Variants in LRCH1 observed in about 807,000 individuals in gnomAD.
LRCH1 encodes leucine-rich repeat and calponin homology domain-containing protein 1.
Under a neutral mutation model 94.9 loss-of-function variants are expected in LRCH1, and 23 were observed. The ratio of observed to expected loss-of-function variants is 0.24; its 90% confidence interval spans 0.17 to 0.34. The LOEUF (loss-of-function observed/expected upper bound fraction) is 0.34. LRCH1 is among the 10% of genes least tolerant of loss of function. The pLI is 1.00. For synonymous variants in LRCH1, 364 were observed against 354.9 expected, an observed-to-expected ratio of 1.03 and a Z score of -0.29; for missense variants, 790 against 945.9, an observed-to-expected ratio of 0.84 and a Z score of 2.16.
At chr13:46,735,233 A>G (rs1339624676) in intron 19 of LRCH1, among the ~76,000 whole-genome samples, 1 of 152,216 alleles carries the variant, frequency 6.6e-6, no homozygotes, top group Non-Finnish European at 1.5e-5. Context: ...GTGTGTGTAC[A>G]TTTTAATATT....
chr13:46,708,326 G>A (rs1400521165), intron 13 of LRCH1, among the ~76,000 whole-genome samples: 1 of 136,560 alleles, frequency 7.3e-6, no homozygotes, highest in Non-Finnish European at 1.5e-5. Flanking sequence ...CGCCCAGGTT[G>A]AAGTGCACAA....
chr13:46,662,110 T>TTGA (rs551022963), intron 2 of LRCH1, among the ~76,000 whole-genome samples: 276 of 151,948 alleles, frequency 1.8e-3, no homozygotes, highest in African/African-American at 6.5e-3. Flanking sequence ...ACTCAGGAGG[T>TTGA]TGAGGCAGGA....
chr13:46,686,797 T>C (rs1870637634), intron 5 of LRCH1, among the ~76,000 whole-genome samples: 1 of 152,136 alleles, frequency 6.6e-6, no homozygotes. Flanking sequence ...ACAGTCACAG[T>C]GAACCCTTGA....
chr13:46,603,936 C>T (rs543895016), intron 1 of LRCH1, among the ~76,000 whole-genome samples: 3 of 152,322 alleles, frequency 2.0e-5, no homozygotes, highest in Admixed American at 1.3e-4. Flanking sequence ...GCATTATAGG[C>T]GTGAGCCACC....
intron 1 of LRCH1, among the ~76,000 whole-genome samples, chr13:46,581,602 G>A (rs900691726): frequency 1.3e-5 from 2 of 152,234 alleles, no homozygotes; most frequent in Non-Finnish European, 2.9e-5. Flanking sequence ...TGTTAGATGT[G>A]AGGAATCTGG....
intron 1 of LRCH1, among the ~76,000 whole-genome samples, chr13:46,596,347 G>C (rs1347087914): frequency 6.6e-6 from 1 of 152,126 alleles, no homozygotes; most frequent in Admixed American, 6.6e-5. Context: ...GGTACAGTCT[G>C]ATCATGACTA....
intron 1 of LRCH1, among the ~76,000 whole-genome samples, chr13:46,593,894 T>G (rs958372351): frequency 1.3e-5 from 2 of 152,200 alleles, no homozygotes; most frequent in African/African-American, 4.8e-5. Context: ...AAAATGAACT[T>G]TTTTTCTTCT....
chr13:46,576,108 AGGCTTGAGGCTTGCTGGC>A (rs1566152406), intron 1 of LRCH1, among the ~76,000 whole-genome samples: 7 of 152,200 alleles, frequency 4.6e-5, no homozygotes, highest in Non-Finnish European at 1.0e-4. Context: ...AGAAAGTGGC[AGGCTTGAGGCTTGCTGGC>A]GACCAGGAGA....
intron 1 of LRCH1, among the ~76,000 whole-genome samples, chr13:46,588,595 T>C (rs990626451): frequency 9.2e-6 from 1 of 108,312 alleles, no homozygotes; most frequent in African/African-American, 3.6e-5. Flanking sequence ...TCTCTCTCTG[T>C]CTTTTTTTTT....
At chr13:46,643,173 C>T (rs751810859) in intron 1 of LRCH1, among the ~76,000 whole-genome samples, 4 of 152,162 alleles carry the variant, frequency 2.6e-5, no homozygotes, top group African/African-American at 4.8e-5. Context: ...ATTTGGTTGC[C>T]GTTCAAGACA....
At chr13:46,625,191 C>T (rs752116572) in intron 1 of LRCH1, among the ~76,000 whole-genome samples, 4 of 152,234 alleles carry the variant, frequency 2.6e-5, no homozygotes, top group African/African-American at 9.6e-5. Flanking sequence ...ACTTCTTTCC[C>T]GACTCCCTCA....
chr13:46,580,156 T>C (rs189760669), intron 1 of LRCH1, among the ~76,000 whole-genome samples: 2 of 152,372 alleles, frequency 1.3e-5, no homozygotes, highest in East Asian at 3.9e-4. Flanking sequence ...AAGTTCTGTT[T>C]AACTCATTTT....
At chr13:46,693,095 C>T (rs1479824907) in intron 8 of LRCH1, among the ~76,000 whole-genome samples, 1 of 151,936 alleles carries the variant, frequency 6.6e-6, no homozygotes, top group Non-Finnish European at 1.5e-5. Context: ...CCTCAGCCTC[C>T]CGAGTAGCTG....
chr13:46,676,451 C>A (rs1380908309), intron 3 of LRCH1, among the ~76,000 whole-genome samples: 1 of 152,100 alleles, frequency 6.6e-6, no homozygotes, highest in African/African-American at 2.4e-5. Context: ...CTTACCTGTT[C>A]TTTTGATAGA....
intron 14 of LRCH1, 146 bp from the exon 15 acceptor site, chr13:46,712,379 A>AT (rs1220764690): frequency 5.3e-5 from 34 of 636,958 alleles, no homozygotes; most frequent in East Asian, 1.0e-4. Context: ...TTACAAAGTG[A>AT]TTTTTTTTGG....
downstream of LRCH1, among the ~76,000 whole-genome samples, chr13:46,749,408 T>A (rs1278459909): frequency 6.6e-6 from 1 of 152,130 alleles, no homozygotes; most frequent in African/African-American, 2.4e-5. Context: ...TAGGAAGATA[T>A]TGGTCAAAGG....
intron 2 of LRCH1, among the ~76,000 whole-genome samples, chr13:46,652,327 C>T (rs1327604379): frequency 6.6e-6 from 1 of 151,972 alleles, no homozygotes; most frequent in Non-Finnish European, 1.5e-5. Context: ...CCACCCGCCT[C>T]GGCCTCCCAA....
chr13:46,622,963 A>C (rs1035922874), intron 1 of LRCH1, among the ~76,000 whole-genome samples: 1 of 152,214 alleles, frequency 6.6e-6, no homozygotes, highest in Admixed American at 6.5e-5. Context: ...CTTTTGGGAA[A>C]ATAGCATTTG....
chr13:46,573,866 A>ATATATATATTTTTTT, intron 1 of LRCH1, among the ~76,000 whole-genome samples: 5 of 63,394 alleles, frequency 7.9e-5, no homozygotes, highest in African/African-American at 2.6e-4. Flanking sequence ...ATATATATAT[A>ATATATATATTTTTTT]TTTTTTTTTT....
Sources: allele counts gnomAD v4.1 joint callset (sites outside exome capture counted in the v4.1 genomes callset), GRCh38; gene constraint gnomAD v4.1.1; transcripts MANE v1.5; gene names NCBI Gene and HGNC (gene_info 2026-07-23, HGNC 2026-07-21).